Variants in RPS6KC1 observed in about 807,000 individuals in gnomAD.
The protein encoded by RPS6KC1 is ribosomal protein S6 kinase C1.
In RPS6KC1, 54 loss-of-function variants were observed where a neutral mutation model predicts 103.8. The ratio of observed to expected loss-of-function variants is 0.52; its 90% CI spans 0.42 to 0.65. The LOEUF is 0.65. RPS6KC1 is among the 30% of genes least tolerant of loss of function. The pLI, the probability that RPS6KC1 is intolerant of heterozygous loss-of-function variation, is 0.00. For synonymous variants in RPS6KC1, 439 were observed against 438.7 expected, an observed-to-expected ratio of 1.00 and a Z score of -0.01; for missense variants, 1,151 against 1,253.8, an observed-to-expected ratio of 0.92 and a Z score of 1.24.
rs1015973487 is a variant in RPS6KC1 at position 213,167,666 on chromosome 1, G to A, written c.836-192G>A. Among the ~76,000 whole-genome samples, 7 of 152,214 alleles carry A rather than the reference G, an allele frequency of 4.6e-5. No individual in the cohort carries two copies. In the South Asian group the frequency reaches 1.5e-3, roughly 32 times the overall value. On this transcript the variant is annotated intron_variant, in intron 6 of 14. Transcript: ENST00000366960. ...TTAAATAGGAGAATGTTAGAATTTG[G>A]ATAAATGAAATCAATGGGGGGTAAT... is the stretch of plus-strand genomic sequence containing the variant.
Position 213,263,432 on chromosome 1 carries a change from C to T in RPS6KC1, c.3090+616C>T, listed in dbSNP as rs185740111. Among the ~76,000 whole-genome samples the T allele has an allele frequency of 5.1e-3, 779 of 152,238 alleles. 6 individuals are homozygous for T. The highest frequency in any genetic ancestry group is 0.014 in the African/African-American group (584 of 41,518). On this transcript the variant is annotated intron_variant, in intron 14 of 14. Transcript: ENST00000366960. ...CATACTTAAATTACTCTTCTAGTTTCGTGTAGTGAATTTTGCTGATATTGA... is the reference window on the plus strand; with the variant it reads ...CATACTTAAATTACTCTTCTAGTTTTGTGTAGTGAATTTTGCTGATATTGA...
the RPS6KC1 span, among the ~76,000 whole-genome samples, chr1:213,713,118 C>T: frequency 2.0e-5 from 3 of 152,212 alleles, no homozygotes; most frequent in Admixed American, 1.3e-4. Context: ...TTCTGATGCT[C>T]CTTCCAATTT....
rs7417589 is a variant in RPS6KC1, at chr1:213,229,800, T to C, written c.1045-697T>C. Reference sequence around the variant, plus strand: ...GTGAGATAAGAAGAGTGCCATGTTCTAACTTATGTTTTAAAAAGAAAACCC... The same window carrying C: ...GTGAGATAAGAAGAGTGCCATGTTCCAACTTATGTTTTAAAAAGAAAACCC... On this transcript the variant is annotated intron_variant, in intron 8 of 14. Coordinates refer to ENST00000366960, the MANE Select transcript of RPS6KC1 (RefSeq NM_012424.6). 4.4e-3 allele frequency among the ~76,000 whole-genome samples: 670 copies of C among 152,328 alleles called. 4 individuals are homozygous for C. Among genetic ancestry groups the C allele is most frequent in the African/African-American group, 0.016 (646 of 41,568 alleles).
intron 4 of RPS6KC1, among the ~76,000 whole-genome samples, chr1:213,115,626 G>T (rs911958541): frequency 6.6e-6 from 1 of 151,848 alleles, no homozygotes; most frequent in Non-Finnish European, 1.5e-5. Context: ...TGCTTTTCTA[G>T]TTCTTTTAAT....
chr1:213,707,621 C>A, the RPS6KC1 span, among the ~76,000 whole-genome samples: 1 of 152,138 alleles, frequency 6.6e-6, no homozygotes, highest in African/African-American at 2.4e-5. Context: ...TTTGCCCATG[C>A]TATGTCCTGA....
At position 213,240,807 on chromosome 1, in the gene RPS6KC1, A is replaced by G. The variant is rs540244780; in HGVS notation, c.1331A>G (p.Gln444Arg). The change falls in exon 11 of 15, where the codon CAG becomes CGG. Residue 444 changes from glutamine (Q) to arginine (R), a missense_variant. Gln to Arg is a conservative substitution (Grantham distance 43). Coordinates refer to ENST00000366960, the MANE Select transcript of RPS6KC1 (RefSeq NM_012424.6). ...CCTACACTTGCAAAAGTTCACCTGC[A>G]GCAGCCAACTTCTAGTCCTCAGGAC... is the stretch of plus-strand genomic sequence containing the variant. ...KKPTLAKVHLQQPTSSPQDSS... is the reference protein window; with the variant it reads ...KKPTLAKVHLRQPTSSPQDSS... 2.3e-5 allele frequency: 37 copies of G among 1,613,824 alleles called. No individual in the cohort carries two copies. The highest frequency in any genetic ancestry group is 1.3e-4 in the Admixed American group (8 of 59,960).
chr1:213,149,480 A>G (rs1441023723), intron 6 of RPS6KC1, among the ~76,000 whole-genome samples: 1 of 152,044 alleles, frequency 6.6e-6, no homozygotes, highest in Non-Finnish European at 1.5e-5. Flanking sequence ...ATTAATTTCC[A>G]GTTTTGTTCC....
At chr1:213,099,959 T>A (rs1015199643) in intron 3 of RPS6KC1, among the ~76,000 whole-genome samples, 1 of 152,220 alleles carries the variant, frequency 6.6e-6, no homozygotes, top group African/African-American at 2.4e-5. Context: ...TATGGACATA[T>A]GTTTCTCTTG....
At chr1:213,662,413 C>T in the RPS6KC1 span, among the ~76,000 whole-genome samples, 1 of 150,096 alleles carries the variant, frequency 6.7e-6, no homozygotes, top group Admixed American at 6.7e-5. Flanking sequence ...AGGCATGTGC[C>T]ATCACACCTG....
the RPS6KC1 span, among the ~76,000 whole-genome samples, chr1:213,628,207 G>A: frequency 2.0e-5 from 3 of 152,120 alleles, no homozygotes; most frequent in Admixed American, 6.5e-5. Flanking sequence ...GTTTATTTGC[G>A]TAGAGGTGTT....
the RPS6KC1 span, among the ~76,000 whole-genome samples, chr1:213,735,704 A>C: frequency 6.6e-6 from 1 of 152,218 alleles, no homozygotes; most frequent in Non-Finnish European, 1.5e-5. Context: ...GGAGAAACAG[A>C]AGGAAGAAAA....
chr1:213,506,323 A>C, the RPS6KC1 span, among the ~76,000 whole-genome samples: 1 of 152,172 alleles, frequency 6.6e-6, no homozygotes, highest in African/African-American at 2.4e-5. Context: ...TGTGATGGAA[A>C]CTAAATTTTA....
the RPS6KC1 span, among the ~76,000 whole-genome samples, chr1:213,486,878 A>G: frequency 6.6e-6 from 1 of 152,240 alleles, no homozygotes; most frequent in African/African-American, 2.4e-5. Flanking sequence ...CCCTGTCTTC[A>G]CCATTTACAG....
In RPS6KC1 at chr1:213,117,831, G is replaced by T. The variant is rs1026749612; in HGVS notation, c.472+421G>T. ...TGAGGTCAGGAGTTTGAGACCAGCC[G>T]AGCCAACGTGGTGAAACCCTGTCTC... On this transcript the variant is annotated intron_variant, in intron 5 of 14. Transcript: ENST00000366960. Among the ~76,000 whole-genome samples, 7 of 150,946 alleles carry T rather than the reference G, an allele frequency of 4.6e-5. No individual in the cohort carries two copies. In the South Asian group the frequency reaches 8.4e-4, roughly 18 times the overall value.
Position 213,205,291 on chromosome 1 carries a change from T to C in RPS6KC1, c.1045-25206T>C, listed in dbSNP as rs1037634134. ...TGTTCTGCTGAAGACAATTGTTACATATTGGGATTCTGGAAGGACAGCAAG... is the reference window on the plus strand; with the variant it reads ...TGTTCTGCTGAAGACAATTGTTACACATTGGGATTCTGGAAGGACAGCAAG... On this transcript the variant is annotated intron_variant, in intron 8 of 14. Coordinates refer to ENST00000366960, the MANE Select transcript of RPS6KC1 (RefSeq NM_012424.6). 6.1e-6 allele frequency: 6 copies of C among 984,658 alleles called. No individual in the cohort carries two copies. In the East Asian group the frequency reaches 4.5e-4, roughly 75 times the overall value. The allele number at this position is 984,658 out of a possible 1,614,324, so 61.0% of individuals were successfully genotyped here.
chr1:213,776,096 C>A, the RPS6KC1 span, among the ~76,000 whole-genome samples: 1 of 152,150 alleles, frequency 6.6e-6, no homozygotes, highest in African/African-American at 2.4e-5. Context: ...TTACTTCCTC[C>A]ACTAATGTCT....
the RPS6KC1 span, among the ~76,000 whole-genome samples, chr1:213,743,735 G>A: frequency 1.5e-4 from 23 of 152,312 alleles, no homozygotes; most frequent in Middle Eastern, 3.4e-3. Context: ...AGCCTATGCC[G>A]CTGGGAGAGG....
chr1:213,120,053 G>T (rs1471369870), intron 5 of RPS6KC1, among the ~76,000 whole-genome samples: 2 of 152,146 alleles, frequency 1.3e-5, no homozygotes, highest in Non-Finnish European at 2.9e-5. Context: ...AAAAAGATGT[G>T]TTTTCTTTGG....
the RPS6KC1 span, among the ~76,000 whole-genome samples, chr1:213,323,004 T>G: frequency 5.3e-5 from 7 of 133,236 alleles, no homozygotes; most frequent in Admixed American, 8.6e-5. Flanking sequence ...CCTCAGGTGA[T>G]CCACCCGCCT....
Sources: allele counts gnomAD v4.1 joint callset (sites outside exome capture counted in the v4.1 genomes callset), GRCh38; gene constraint gnomAD v4.1.1; transcripts MANE v1.5; gene names NCBI Gene and HGNC (gene_info 2026-07-23, HGNC 2026-07-21).